The following DLGAP2 variants were observed in gnomAD, a reference collection of about 807,000 sequenced individuals.
DLGAP2 encodes the protein disks large-associated protein 2.
A neutral mutation model predicts 100.3 loss-of-function variants in DLGAP2; 26 were observed. That is an observed-to-expected ratio of 0.26 (90% CI 0.19 to 0.36). The LOEUF is 0.36. Among genes scored for constraint, DLGAP2 ranks in the 10% least tolerant of loss-of-function variants. The probability of loss-of-function intolerance (pLI) is 1.00; values close to 1 mark genes in which losing one functional copy is unlikely to be tolerated. For synonymous variants in DLGAP2, 886 were observed against 630.1 expected (o/e 1.41, Z -6.08); for missense variants, 1,858 against 1,453.2 (o/e 1.28, Z -4.53).
intron 4 of DLGAP2, among the ~76,000 whole-genome samples, chr8:1,506,517 A>T (rs1799922232): frequency 6.6e-6 from 1 of 152,214 alleles, no homozygotes; most frequent in South Asian, 2.1e-4. Context: ...AGCTCATAAA[A>T]GGAGTGCGGA....
At chr8:1,045,878 C>G (rs1802500031) in intron 2 of DLGAP2, among the ~76,000 whole-genome samples, 2 of 152,144 alleles carry the variant, frequency 1.3e-5, no homozygotes, top group Admixed American at 1.3e-4. Flanking sequence ...GCTCAGATGT[C>G]TGCACAAGGT....
chr8:1,259,404 T>C (rs566374616), intron 3 of DLGAP2, among the ~76,000 whole-genome samples: 205 of 152,344 alleles, frequency 1.3e-3, no homozygotes, highest in African/African-American at 4.7e-3. Context: ...GAGTCTGTCA[T>C]TTGTTGACTG....
chr8:818,184 G>A (rs544578209), intron 1 of DLGAP2, among the ~76,000 whole-genome samples: 1 of 152,160 alleles, frequency 6.6e-6, no homozygotes, highest in Non-Finnish European at 1.5e-5. Flanking sequence ...CAGCTGCTGT[G>A]GGGGATGGAC....
chr8:1,417,077 G>A (rs1202417825), intron 3 of DLGAP2, among the ~76,000 whole-genome samples: 1 of 151,046 alleles, frequency 6.6e-6, no homozygotes, highest in Non-Finnish European at 1.5e-5. Flanking sequence ...GCAGGAGAAA[G>A]GGCGGGGGTG....
chr8:800,628 A>G (rs1009564912), intron 1 of DLGAP2, among the ~76,000 whole-genome samples: 2 of 151,956 alleles, frequency 1.3e-5, no homozygotes, highest in Non-Finnish European at 2.9e-5. Context: ...GTATGTTTAT[A>G]TGTGTGTGCA....
chr8:1,286,471 G>A (rs1799923382), intron 3 of DLGAP2, among the ~76,000 whole-genome samples: 1 of 152,240 alleles, frequency 6.6e-6, no homozygotes, highest in African/African-American at 2.4e-5. Flanking sequence ...CTGTGGAAGA[G>A]CTTTCCCCGT....
chr8:1,111,572 A>G (rs975306702), intron 2 of DLGAP2, among the ~76,000 whole-genome samples: 2 of 151,994 alleles, frequency 1.3e-5, no homozygotes, highest in Non-Finnish European at 2.9e-5. Flanking sequence ...CCACCCTCCG[A>G]TAGACCCCAG....
Position 1,373,304 on chromosome 8 carries a change from G to C in DLGAP2, c.106+114421G>C, listed in dbSNP as rs377684991. The stretch of plus-strand genomic sequence containing the variant: ...CCGGAGGGTGTCGGGAGCAGGGGCC[G>C]CGGGCGGCAGCTGACGGGCGGGCCC... On this transcript the variant is annotated intron_variant, in intron 3 of 14. Coordinates refer to ENST00000637795, the MANE Select transcript of DLGAP2 (RefSeq NM_001346810.2). 5.1e-5 allele frequency among the ~76,000 whole-genome samples: 7 copies of C among 138,198 alleles called. No individual in the cohort carries two copies. In the South Asian group the frequency reaches 1.1e-3, roughly 21 times the overall value. 90.7% of individuals were successfully genotyped at this position (138,198 alleles called of 152,430 possible).
At chr8:1,328,818 C>T (rs752232973) in intron 3 of DLGAP2, among the ~76,000 whole-genome samples, 11 of 152,190 alleles carry the variant, frequency 7.2e-5, no homozygotes, top group Non-Finnish European at 1.6e-4. Flanking sequence ...TTATGCAGAG[C>T]TGTGTTTCTG....
chr8:1,077,023 C>A (rs1803641598), intron 2 of DLGAP2, among the ~76,000 whole-genome samples: 1 of 150,408 alleles, frequency 6.6e-6, no homozygotes, highest in Admixed American at 6.6e-5. Flanking sequence ...GGAGTCTGTC[C>A]CGGGCCCCCC....
chr8:1,088,281 G>C (rs1194020689), intron 2 of DLGAP2, among the ~76,000 whole-genome samples: 1 of 152,196 alleles, frequency 6.6e-6, no homozygotes, highest in Non-Finnish European at 1.5e-5. Flanking sequence ...CTACCATGAA[G>C]AGTTGTTCCA....
At chr8:1,391,832 A>C (rs1463522682) in intron 3 of DLGAP2, among the ~76,000 whole-genome samples, 2 of 152,234 alleles carry the variant, frequency 1.3e-5, no homozygotes, top group East Asian at 3.9e-4. Flanking sequence ...GGAAGCAGCA[A>C]ATGTGTTGCT....
intron 6 of DLGAP2, among the ~76,000 whole-genome samples, chr8:1,601,491 G>C (rs1334003413): frequency 6.6e-6 from 1 of 152,188 alleles, no homozygotes; most frequent in Non-Finnish European, 1.5e-5. Context: ...CTTCCCCCGG[G>C]TGCTCTGTCC....
chr8:1,558,733 TACAC>T (rs1471067297), intron 5 of DLGAP2, among the ~76,000 whole-genome samples: 2 of 143,202 alleles, frequency 1.4e-5, no homozygotes, highest in African/African-American at 5.4e-5. Flanking sequence ...TACCCACACA[TACAC>T]ACATAGGCAT....
intron 3 of DLGAP2, among the ~76,000 whole-genome samples, chr8:1,343,951 G>A (rs1801480656): frequency 1.3e-5 from 2 of 152,212 alleles, no homozygotes; most frequent in Admixed American, 6.5e-5. Flanking sequence ...CTGGCCGAGG[G>A]CAGGTGTACA....
In DLGAP2 at chr8:1,452,958, G is replaced by A. The variant is rs371574454; in HGVS notation, c.107-48408G>A. ...GGATCATGGGGGTTTGATACTTGTC[G>A]GGCGGCAGGTGTTATGGATGGGAAG... On this transcript the variant is annotated intron_variant, in intron 3 of 14. Transcript: ENST00000637795. 3.9e-5 allele frequency among the ~76,000 whole-genome samples: 6 copies of A among 152,284 alleles called. No individual in the cohort carries two copies. The South Asian group carries it at 6.2e-4, about 16-fold the overall frequency.
intron 2 of DLGAP2, among the ~76,000 whole-genome samples, chr8:944,071 C>G (rs762594586): frequency 6.6e-6 from 1 of 152,254 alleles, no homozygotes; most frequent in African/African-American, 2.4e-5. Flanking sequence ...TGGTATCTAA[C>G]TATATTGTAT....
intron 4 of DLGAP2, among the ~76,000 whole-genome samples, chr8:1,537,087 ATGTGG>A (rs1801178521): frequency 4.8e-5 from 3 of 62,726 alleles, no homozygotes; most frequent in African/African-American, 2.2e-4. Context: ...GGTATGTGGT[ATGTGG>A]TGTGTGGTGT....
chr8:1,647,526 A>AAAAAAT, intron 8 of DLGAP2, among the ~76,000 whole-genome samples: 1 of 143,102 alleles, frequency 7.0e-6, no homozygotes, highest in Non-Finnish European at 1.5e-5. Context: ...AAAAAAAAAA[A>AAAAAAT]GTGCATCTTT....
Sources: gnomAD v4.1 joint callset for allele counts (sites outside exome capture counted in the v4.1 genomes callset) on GRCh38, gnomAD v4.1.1 for gene constraint, MANE v1.5 for transcripts, NCBI Gene and HGNC (gene_info 2026-07-23, HGNC 2026-07-21) for gene names.